The following HECW2 variants were observed in gnomAD, a reference collection of about 807,000 sequenced individuals.
HECW2 encodes the protein E3 ubiquitin-protein ligase HECW2.
Under a neutral mutation model 175.2 loss-of-function variants are expected in HECW2, and 61 were observed. The ratio of observed to expected loss-of-function variants is 0.35; its 90% CI spans 0.28 to 0.43. The LOEUF is 0.43. HECW2 is among the 20% of genes least tolerant of loss of function. HECW2 has a pLI of 1.00. For synonymous variants in HECW2, 671 were observed against 731.0 expected (o/e 0.92, Z 1.32); for missense variants, 1,524 against 2,000.5 (o/e 0.76, Z 4.54).
chr2:196,507,973 A>C (rs1687824553), intron 1 of HECW2, among the ~76,000 whole-genome samples: 1 of 152,230 alleles, frequency 6.6e-6, no homozygotes, highest in South Asian at 2.1e-4. Context: ...ATGCTCTGGA[A>C]GCAGGGGTCC....
At chr2:196,226,397 T>C (rs1531109) in intron 22 of HECW2, among the ~76,000 whole-genome samples, 146,505 of 152,178 alleles carry the variant, frequency 0.96, 70,635 homozygotes, top group Non-Finnish European at 0.98. Context: ...CCAATTAAAC[T>C]TCTTTTCTTT....
intron 1 of HECW2, among the ~76,000 whole-genome samples, chr2:196,491,125 G>C (rs1293697729): frequency 6.6e-6 from 1 of 151,968 alleles, no homozygotes; most frequent in Non-Finnish European, 1.5e-5. Flanking sequence ...CCACAATAAA[G>C]TTGTAAGAAA....
At chr2:196,504,757 C>T (rs959752347) in intron 1 of HECW2, among the ~76,000 whole-genome samples, 2 of 152,152 alleles carry the variant, frequency 1.3e-5, no homozygotes, top group African/African-American at 4.8e-5. Flanking sequence ...ACATATTATA[C>T]ACTCAATATT....
intron 21 of HECW2, among the ~76,000 whole-genome samples, chr2:196,236,017 T>C (rs972088181): frequency 6.6e-6 from 1 of 152,128 alleles, no homozygotes; most frequent in African/African-American, 2.4e-5. Context: ...CTACTGTAAA[T>C]AAAGACTTTG....
At chr2:196,310,608 G>A (rs1691457690) in intron 10 of HECW2, among the ~76,000 whole-genome samples, 1 of 152,154 alleles carries the variant, frequency 6.6e-6, no homozygotes. Context: ...GAAAGCATAT[G>A]AAAACTCATT....
At chr2:196,422,263 T>C (rs1695426617) in intron 2 of HECW2, among the ~76,000 whole-genome samples, 2 of 152,198 alleles carry the variant, frequency 1.3e-5, no homozygotes, top group African/African-American at 4.8e-5. Flanking sequence ...GGAGAGACAC[T>C]GATTGCTCAC....
intron 1 of HECW2, among the ~76,000 whole-genome samples, chr2:196,491,573 T>C (rs115287549): frequency 1.5e-3 from 223 of 151,160 alleles, no homozygotes; most frequent in African/African-American, 5.1e-3. Flanking sequence ...AAATAATATA[T>C]ACACATAGAT....
At chr2:196,311,719 C>A (rs1691504057) in intron 10 of HECW2, among the ~76,000 whole-genome samples, 1 of 152,132 alleles carries the variant, frequency 6.6e-6, no homozygotes, top group African/African-American at 2.4e-5. Context: ...ATCACTTGAA[C>A]CCAGGAGGCA....
At chr2:196,551,072 C>A (rs1040006521) in intron 1 of HECW2, among the ~76,000 whole-genome samples, 2 of 152,286 alleles carry the variant, frequency 1.3e-5, no homozygotes, top group South Asian at 2.1e-4. Context: ...GTCTTTTTAT[C>A]CAGTAAAAAT....
Position 196,322,507 on chromosome 2 carries a change from G to C in HECW2, c.855C>G (p.Val285=). The C allele has an allele frequency of 6.8e-6, 11 of 1,614,016 alleles. No homozygotes were observed. Among genetic ancestry groups the C allele is most frequent in the Non-Finnish European group, 9.3e-6 (11 of 1,179,958 alleles). The change falls in exon 7 of 29, where the codon GTC becomes GTG. Residue 285 remains valine, a synonymous_variant. Coordinates refer to ENST00000644978, the MANE Select transcript of HECW2 (RefSeq NM_001348768.2). ...TGGCTTGTCGCTCCAGCAGCCTCTG[G>C]ACTGGAATGGTTAGTTTCCCCAGAA... The part of the protein sequence containing the change: ...KRFLGKLTIP[V]QRLLERQAIG...
At chr2:196,392,873 C>G (rs1483327011) in intron 2 of HECW2, among the ~76,000 whole-genome samples, 15 of 152,136 alleles carry the variant, frequency 9.9e-5, no homozygotes, top group Admixed American at 9.8e-4. Context: ...AAGAACAAAG[C>G]TGGAGGCATC....
chr2:196,398,093 A>T (rs1694719408), intron 2 of HECW2, among the ~76,000 whole-genome samples: 2 of 147,634 alleles, frequency 1.4e-5, no homozygotes, highest in African/African-American at 5.2e-5. Context: ...AAGTGAGTGT[A>T]GGGGAAAGGT....
At chr2:196,325,547 A>G (rs1252526004) in intron 5 of HECW2, among the ~76,000 whole-genome samples, 1 of 152,208 alleles carries the variant, frequency 6.6e-6, no homozygotes, top group Non-Finnish European at 1.5e-5. Flanking sequence ...AGGGCAATGT[A>G]ATTCGGCAAC....
chr2:196,514,546 G>A (rs1471158484), intron 1 of HECW2, among the ~76,000 whole-genome samples: 7 of 152,186 alleles, frequency 4.6e-5, no homozygotes, highest in African/African-American at 1.7e-4. Flanking sequence ...TCCATAAACT[G>A]GAGTGAGAAC....
At chr2:196,273,727 T>C (rs1196496462) in intron 16 of HECW2, among the ~76,000 whole-genome samples, 1 of 152,200 alleles carries the variant, frequency 6.6e-6, no homozygotes, top group Non-Finnish European at 1.5e-5. Flanking sequence ...TTGCATAATG[T>C]ATTACCTTAA....
Position 196,274,100 on chromosome 2 carries a change from T to C in HECW2, c.3159A>G (p.Ala1053=), listed in dbSNP as rs776721335. ...AGEVGEDSRH[A]GPPVLPRPSS... ...ATGGCCTGGGAAGAACTGGTGGTCC[T>C]GCATGTCGAGAATCTTCTCCTACCT... The change falls in exon 16 of 29, where the codon GCA becomes GCG. Residue 1053 remains alanine, a synonymous_variant. Transcript: ENST00000644978. 6.2e-7 allele frequency: 1 copy of C among 1,613,976 alleles called. No homozygotes were observed. The highest frequency in any genetic ancestry group is 1.1e-5 in the South Asian group (1 of 91,076).
Position 196,220,933 on chromosome 2 carries a change from T to C in HECW2, c.4155A>G (p.Glu1385=), listed in dbSNP as rs1687642698. 6.2e-7 allele frequency: 1 copy of C among 1,613,872 alleles called. No individual in the cohort carries two copies. The highest frequency in any genetic ancestry group is 1.3e-5 in the African/African-American group (1 of 74,926). ...TGGCACCCCCTGGCTTTAATTCTCG[T>C]TCAGTTATCTGAGATTACAAAATAA... ...VNEEVFGQIT[E]RELKPGGANI... is the part of the protein sequence containing the mutation. Residue 1385 remains glutamate, a synonymous_variant, in exon 25 of 29, where the codon GAA becomes GAG. Coordinates refer to ENST00000644978, the MANE Select transcript of HECW2 (RefSeq NM_001348768.2).
intron 1 of HECW2, among the ~76,000 whole-genome samples, chr2:196,545,104 T>C (rs1689367356): frequency 6.6e-6 from 1 of 152,210 alleles, no homozygotes; most frequent in Non-Finnish European, 1.5e-5. Flanking sequence ...AACTGCTTCC[T>C]GTAAGCTCAT....
At chr2:196,361,965 G>C in intron 2 of HECW2, 1 of 985,430 alleles carries the variant, frequency 1.0e-6, no homozygotes, top group East Asian at 1.1e-4. Context: ...CTGAAGTCAA[G>C]GCGGGTCTGG....
Sources: allele counts gnomAD v4.1 joint callset (sites outside exome capture counted in the v4.1 genomes callset), GRCh38; gene constraint gnomAD v4.1.1; transcripts MANE v1.5; gene names NCBI Gene and HGNC (gene_info 2026-07-23, HGNC 2026-07-21).